Variants in SNX29 observed in about 807,000 individuals in gnomAD.
The protein encoded by SNX29 is sorting nexin 29.
A neutral mutation model predicts 102.1 loss-of-function variants in SNX29; 78 were observed. The ratio of observed to expected loss-of-function variants is 0.76; its 90% confidence interval spans 0.64 to 0.92. The LOEUF is 0.92. SNX29 is among the 40% of genes least tolerant of loss of function. The pLI, the probability that SNX29 is intolerant of heterozygous loss-of-function variation, is 0.00. For synonymous variants in SNX29, 580 were observed against 414.5 expected (o/e 1.40, Z -4.85); for missense variants, 1,280 against 1,061.7 (o/e 1.21, Z -2.86).
At chr16:12,166,711 A>G (rs1008902504) in intron 13 of SNX29, among the ~76,000 whole-genome samples, 3 of 152,104 alleles carry the variant, frequency 2.0e-5, no homozygotes, top group Admixed American at 6.5e-5. Context: ...CCCCGTATTT[A>G]TTTGTTTGAT....
intron 14 of SNX29, among the ~76,000 whole-genome samples, chr16:12,276,165 A>G (rs1402599736): frequency 1.3e-5 from 2 of 152,156 alleles, no homozygotes; most frequent in African/African-American, 4.8e-5. Flanking sequence ...AAGTGCTGGC[A>G]TTACAGGTGT....
chr16:12,462,045 T>A (rs1235079914), intron 18 of SNX29, among the ~76,000 whole-genome samples: 1,989 of 89,744 alleles, frequency 0.022, 76 homozygotes, highest in African/African-American at 0.087. Flanking sequence ...ACACACACAC[T>A]CTTATATATG....
At chr16:11,978,496 G>A (rs1298414955) in intron 1 of SNX29, among the ~76,000 whole-genome samples, 1 of 152,176 alleles carries the variant, frequency 6.6e-6, no homozygotes, top group African/African-American at 2.4e-5. Flanking sequence ...AAAGTGACTG[G>A]TACTGTGAAT....
chr16:12,351,924 G>A (rs2151296197), intron 15 of SNX29, among the ~76,000 whole-genome samples: 1 of 152,222 alleles, frequency 6.6e-6, no homozygotes, highest in Admixed American at 6.5e-5. Context: ...GGAACAGCGG[G>A]CAGGGGAGTA....
intron 18 of SNX29, among the ~76,000 whole-genome samples, chr16:12,434,837 T>A (rs1008875060): frequency 6.6e-6 from 1 of 152,046 alleles, no homozygotes; most frequent in East Asian, 1.9e-4. Flanking sequence ...ACATCTAGCA[T>A]GGGAAGTCCC....
At chr16:12,441,676 T>C (rs1352113515) in intron 18 of SNX29, among the ~76,000 whole-genome samples, 1 of 152,254 alleles carries the variant, frequency 6.6e-6, no homozygotes, top group African/African-American at 2.4e-5. Flanking sequence ...GCTTCTGATA[T>C]CATGTCTAAG....
At chr16:12,332,188 G>A (rs1181023724) in intron 15 of SNX29, among the ~76,000 whole-genome samples, 3 of 152,170 alleles carry the variant, frequency 2.0e-5, no homozygotes, top group African/African-American at 7.2e-5. Context: ...CAGGGAAAAT[G>A]AACTTTCACC....
At chr16:12,177,801 T>C (rs1031096571) in intron 13 of SNX29, among the ~76,000 whole-genome samples, 1 of 152,224 alleles carries the variant, frequency 6.6e-6, no homozygotes, top group Non-Finnish European at 1.5e-5. Context: ...ATTTGCCAAA[T>C]GCCTGCTGTG....
At chr16:12,539,827 T>A (rs140124117) in intron 20 of SNX29, among the ~76,000 whole-genome samples, 70 of 152,356 alleles carry the variant, frequency 4.6e-4, no homozygotes, top group African/African-American at 1.6e-3. Flanking sequence ...CTTTAACACA[T>A]CCTCTTTGGG....
intron 14 of SNX29, among the ~76,000 whole-genome samples, chr16:12,260,999 G>T (rs1354409638): frequency 1.4e-5 from 2 of 148,008 alleles, no homozygotes; most frequent in Non-Finnish European, 3.0e-5. Context: ...GTGAGTGTTT[G>T]TTGAGCTCGG....
intron 15 of SNX29, among the ~76,000 whole-genome samples, chr16:12,328,844 G>GTTGTC: frequency 6.6e-6 from 1 of 152,086 alleles, no homozygotes; most frequent in Non-Finnish European, 1.5e-5. Flanking sequence ...AGACAATTCT[G>GTTGTC]AGAATGCTGG....
intron 20 of SNX29, among the ~76,000 whole-genome samples, chr16:12,555,045 C>T (rs1374147334): frequency 2.0e-5 from 3 of 151,592 alleles, no homozygotes; most frequent in African/African-American, 4.9e-5. Context: ...CACCGAGCAG[C>T]CTCAAGAGGC....
intron 15 of SNX29, among the ~76,000 whole-genome samples, chr16:12,315,303 T>A (rs1042880148): frequency 6.6e-6 from 1 of 152,198 alleles, no homozygotes; most frequent in African/African-American, 2.4e-5. Context: ...TGAGTATTTT[T>A]CTTCCATAAA....
At position 12,069,085 on chromosome 16, in the gene SNX29, G is replaced by C. The variant is rs763043339; in HGVS notation, c.1272G>C (p.Gly424=). Residue 424 remains glycine (G), a synonymous_variant, in exon 10 of 21, where the codon GGG becomes GGC. Coordinates refer to ENST00000566228, the MANE Select transcript of SNX29 (RefSeq NM_032167.5). Reference sequence around the variant, plus strand: ...CCCCCCTCGGAAGCCTGGAGAACGGGACAGGACCAGAGGACCACGTTCTCC... The same window carrying C: ...CCCCCCTCGGAAGCCTGGAGAACGGCACAGGACCAGAGGACCACGTTCTCC... ...ADAPLGSLEN[G]TGPEDHVLPD... is the part of the protein sequence containing the mutation. 1 of 1,613,938 alleles carries C rather than the reference G, an allele frequency of 6.2e-7. No individual in the cohort carries two copies. Among genetic ancestry groups the C allele is most frequent in the Non-Finnish European group, 8.5e-7 (1 of 1,179,840 alleles).
At chr16:12,317,754 A>C (rs2080796899) in intron 15 of SNX29, among the ~76,000 whole-genome samples, 1 of 152,234 alleles carries the variant, frequency 6.6e-6, no homozygotes, top group Admixed American at 6.5e-5. Context: ...TTAAATGAAC[A>C]TTGTTAACTG....
chr16:12,315,449 G>A (rs896377265), intron 15 of SNX29, among the ~76,000 whole-genome samples: 3 of 152,138 alleles, frequency 2.0e-5, no homozygotes, highest in Non-Finnish European at 4.4e-5. Flanking sequence ...TTTGTTATGT[G>A]GATGGAATTG....
intron 6 of SNX29, 63 bp downstream of exon 6, chr16:12,046,517 G>A: frequency 2.0e-6 from 3 of 1,520,870 alleles, no homozygotes; most frequent in South Asian, 1.1e-5. Context: ...CTGCCTTGGG[G>A]CAGTTCCACA....
rs542162012 is a variant in SNX29, at chr16:12,356,811, T to A, written c.1899+532T>A. On this transcript the variant is annotated intron_variant, in intron 16 of 20. Coordinates refer to ENST00000566228, the MANE Select transcript of SNX29 (RefSeq NM_032167.5). ...GCTGTTCTGAGCATTGTGGGATGTC[T>A]AGCAGCGTCCCTGGGTTCCACCCAC... Among the ~76,000 whole-genome samples, 8 of 152,380 alleles carry A rather than the reference T, an allele frequency of 5.3e-5. No homozygotes were observed. The South Asian group carries it at 1.7e-3, about 32-fold the overall frequency.
rs576769704 is a variant in SNX29, at chr16:12,098,660, G to A, written c.1402+19745G>A. 6.6e-6 allele frequency among the ~76,000 whole-genome samples: 1 copy of A among 152,274 alleles called. No individual in the cohort carries two copies. The highest frequency in any genetic ancestry group is 6.5e-5 in the Admixed American group (1 of 15,298). On this transcript the variant is annotated intron_variant, in intron 11 of 20. Transcript: ENST00000566228. The surrounding 1 kb of genome is among the most constrained non-coding windows in gnomAD (Gnocchi z 6.0). Reference sequence around the variant, plus strand: ...TGCCTGGGTCGTGCTTATTCATCCTGTAAGACACAGCTTAGGCGTCACCTC... The same window carrying A: ...TGCCTGGGTCGTGCTTATTCATCCTATAAGACACAGCTTAGGCGTCACCTC...
Sources: gnomAD v4.1 joint callset for allele counts (sites outside exome capture counted in the v4.1 genomes callset) on GRCh38, gnomAD v4.1.1 for gene constraint, Gnocchi (gnomAD v3.1) non-coding constraint, MANE v1.5 for transcripts, NCBI Gene and HGNC (gene_info 2026-07-23, HGNC 2026-07-21) for gene names.